Variants in NFKB1 observed in about 807,000 individuals in gnomAD.
NFKB1 encodes nuclear factor kappa B subunit 1.
In NFKB1, 9 loss-of-function variants were observed where a neutral mutation model predicts 105.1. The ratio of observed to expected loss-of-function variants is 0.09; its 90% confidence interval spans 0.05 to 0.15. The LOEUF (loss-of-function observed/expected upper bound fraction) is 0.15. NFKB1 is among the 10% of genes least tolerant of loss of function. NFKB1 has a pLI of 1.00. For missense variants in NFKB1, 830 were observed against 1,203.7 expected, an observed-to-expected ratio of 0.69 and a Z score of 4.59; for synonymous variants, 440 against 442.2, an observed-to-expected ratio of 1.00 and a Z score of 0.06.
intron 11 of NFKB1, among the ~76,000 whole-genome samples, chr4:102,587,460 T>C (rs1725804590): frequency 6.6e-6 from 1 of 152,064 alleles, no homozygotes; most frequent in Non-Finnish European, 1.5e-5. Flanking sequence ...CTCAGCTTGG[T>C]ATCTAGGCTG....
intron 5 of NFKB1, among the ~76,000 whole-genome samples, chr4:102,538,215 A>G (rs1355918578): frequency 1.3e-5 from 2 of 152,188 alleles, no homozygotes; most frequent in Non-Finnish European, 2.9e-5. Context: ...CATCTTAAAT[A>G]TTTTTAAAAA....
chr4:102,593,072 T>C (rs763206056), intron 11 of NFKB1, among the ~76,000 whole-genome samples: 2 of 152,220 alleles, frequency 1.3e-5, no homozygotes, highest in African/African-American at 2.4e-5. Flanking sequence ...ACATGAGTTA[T>C]TTTGTGTGAC....
rs568469413 is a variant in NFKB1, at chr4:102,537,761, A to G, written c.160-97A>G. The stretch of plus-strand genomic sequence containing the variant: ...GTTTCATGTTTTTCTTCTCTCATTT[A>G]GTAGACATAAGATTTAAAAATTTGT... On this transcript the variant is annotated intron_variant, in intron 4 of 23. Transcript: ENST00000226574. The G allele has an allele frequency of 3.2e-5, 20 of 621,838 alleles. No individual in the cohort carries two copies. The South Asian group carries it at 4.0e-4, about 12-fold the overall frequency. 38.5% of individuals were successfully genotyped at this position (621,838 alleles called of 1,614,324 possible).
At chr4:102,534,253 T>G (rs990362285) in intron 4 of NFKB1, among the ~76,000 whole-genome samples, 2 of 152,204 alleles carry the variant, frequency 1.3e-5, no homozygotes, top group African/African-American at 4.8e-5. Flanking sequence ...TCACATGCAC[T>G]GAGCGATATC....
intron 6 of NFKB1, among the ~76,000 whole-genome samples, chr4:102,571,080 A>G (rs1187671062): frequency 1.3e-5 from 2 of 152,236 alleles, no homozygotes; most frequent in African/African-American, 4.8e-5. Context: ...CTGACTTCAA[A>G]CTATACTACA....
intron 13 of NFKB1, 49 bp from the exon 14 acceptor site, chr4:102,596,089 C>T: frequency 1.5e-6 from 2 of 1,333,318 alleles, no homozygotes; most frequent in Non-Finnish European, 2.0e-6. Flanking sequence ...CGAATTATCA[C>T]TAAATACATT....
chr4:102,607,580 A>G, intron 18 of NFKB1, 69 bp from the exon 19 acceptor site: 1 of 1,482,792 alleles, frequency 6.7e-7, no homozygotes, highest in East Asian at 2.3e-5. Context: ...AGCCATGCAC[A>G]CTGGGAGGTG....
chr4:102,542,646 T>C (rs1467049973), intron 5 of NFKB1, among the ~76,000 whole-genome samples: 1 of 152,234 alleles, frequency 6.6e-6, no homozygotes, highest in Non-Finnish European at 1.5e-5. Flanking sequence ...ATATTTTTAC[T>C]ACATAAGAAT....
At chr4:102,563,437 A>G (rs184460912) in intron 5 of NFKB1, among the ~76,000 whole-genome samples, 6 of 152,214 alleles carry the variant, frequency 3.9e-5, no homozygotes, top group Admixed American at 2.6e-4. Flanking sequence ...CTGCTTTTAG[A>G]TAGTACTTAA....
At chr4:102,585,182 G>A (rs1725618925) in intron 11 of NFKB1, among the ~76,000 whole-genome samples, 1 of 152,240 alleles carries the variant, frequency 6.6e-6, no homozygotes, top group African/African-American at 2.4e-5. Flanking sequence ...GAGCTGCCAT[G>A]TCTTGCCATT....
chr4:102,506,830 C>T (rs964544315), intron 1 of NFKB1, among the ~76,000 whole-genome samples: 1 of 151,866 alleles, frequency 6.6e-6, no homozygotes, highest in African/African-American at 2.4e-5. Context: ...TCACATCACT[C>T]ACAACAAACA....
chr4:102,549,542 A>G (rs561159371), intron 5 of NFKB1, among the ~76,000 whole-genome samples: 9 of 151,398 alleles, frequency 5.9e-5, no homozygotes, highest in Non-Finnish European at 1.2e-4. Flanking sequence ...GTTGAGTTAT[A>G]TAGTTCTATT....
intron 5 of NFKB1, among the ~76,000 whole-genome samples, chr4:102,552,773 G>GT (rs940743546): frequency 8.6e-4 from 131 of 151,788 alleles, no homozygotes; most frequent in African/African-American, 2.9e-3. Flanking sequence ...ACATAAAAGG[G>GT]TTTTTTTTGC....
intron 5 of NFKB1, among the ~76,000 whole-genome samples, chr4:102,549,053 C>T (rs187260440): frequency 2.6e-5 from 4 of 152,176 alleles, no homozygotes; most frequent in Admixed American, 2.0e-4. Flanking sequence ...GGATGATGCC[C>T]ATTTCAGCCT....
chr4:102,603,931 C>G (rs1345128983), intron 16 of NFKB1, among the ~76,000 whole-genome samples: 1 of 152,134 alleles, frequency 6.6e-6, no homozygotes, highest in Non-Finnish European at 1.5e-5. Context: ...TTCTCCTTCC[C>G]CCAACATAGA....
intron 5 of NFKB1, chr4:102,557,098 G>T (rs1043516421): frequency 4.6e-5 from 7 of 152,324 alleles, no homozygotes; most frequent in African/African-American, 1.7e-4. Flanking sequence ...GGGATGTTTT[G>T]AGCCTCAGTG....
intron 6 of NFKB1, among the ~76,000 whole-genome samples, chr4:102,569,867 A>G (rs1420705306): frequency 6.6e-6 from 1 of 152,148 alleles, no homozygotes; most frequent in Non-Finnish European, 1.5e-5. Flanking sequence ...TGTCATTTTA[A>G]TATTTTTTAA....
At chr4:102,613,625 C>A in intron 23 of NFKB1, 44 bp downstream of exon 23, 1 of 1,585,254 alleles carries the variant, frequency 6.3e-7, no homozygotes, top group Non-Finnish European at 8.6e-7. Context: ...TTCCAGCTCC[C>A]CCAGGCTGGT....
intron 1 of NFKB1, among the ~76,000 whole-genome samples, chr4:102,507,443 T>G (rs1739493329): frequency 6.6e-6 from 1 of 151,858 alleles, no homozygotes; most frequent in Non-Finnish European, 1.5e-5. Flanking sequence ...GAGATGAACC[T>G]TTTTTTTGTA....
Sources: gnomAD v4.1 joint callset for allele counts (sites outside exome capture counted in the v4.1 genomes callset) on GRCh38, gnomAD v4.1.1 for gene constraint, MANE v1.5 for transcripts, NCBI Gene and HGNC (gene_info 2026-07-23, HGNC 2026-07-21) for gene names.